The following PDE4D variants were observed in gnomAD, a reference collection of about 807,000 sequenced individuals.
The protein encoded by PDE4D is 3',5'-cyclic-AMP phosphodiesterase 4D.
In PDE4D, 24 loss-of-function variants were observed where a neutral mutation model predicts 87.4. The observed-to-expected ratio is 0.27, with a 90% CI of 0.20 to 0.39. The LOEUF is 0.39. Ranked by LOEUF, PDE4D falls within the 10% of genes least tolerant of loss-of-function variation. PDE4D has a pLI of 1.00. For synonymous variants in PDE4D, 384 were observed against 383.2 expected (o/e 1.00, Z -0.02); for missense variants, 714 against 1,041.0 (o/e 0.69, Z 4.32).
rs201360208 is a variant in PDE4D, at chr5:60,197,018, C to CAGATAGATAGATAGATAGAT, written c.-89-11351_-89-11332dup. Among the ~76,000 whole-genome samples the CAGATAGATAGATAGATAGAT allele has an allele frequency of 8.5e-4, 105 of 123,576 alleles. 3 individuals carry two copies. Among genetic ancestry groups the CAGATAGATAGATAGATAGAT allele is most frequent in the East Asian group, 2.5e-3 (10 of 4,026 alleles). 81.1% of individuals were successfully genotyped at this position (123,576 alleles called of 152,430 possible). On this transcript the variant is annotated intron_variant, in intron 1 of 16. Coordinates refer to the PDE4D transcript ENST00000502484. ...GCCTCTCTGGCAAAAACAAGATAGG[C>CAGATAGATAGATAGATAGAT]AGATAGATAGATAGATAGATAGATA...
intron 3 of PDE4D, among the ~76,000 whole-genome samples, chr5:59,981,266 AC>A (rs1390750670): frequency 1.3e-5 from 2 of 152,142 alleles, no homozygotes; most frequent in Non-Finnish European, 2.9e-5. Flanking sequence ...ACAAAACAAA[AC>A]AAAACAAAAC....
At chr5:59,524,743 G>A (rs1812781266) in intron 1 of PDE4D, among the ~76,000 whole-genome samples, 1 of 152,172 alleles carries the variant, frequency 6.6e-6, no homozygotes, top group Admixed American at 6.5e-5. Context: ...TGGGCCTAGG[G>A]TCCCCCTGCT....
At chr5:60,206,366 C>G (rs1742526441) in intron 1 of PDE4D, among the ~76,000 whole-genome samples, 1 of 152,208 alleles carries the variant, frequency 6.6e-6, no homozygotes, top group South Asian at 2.1e-4. Context: ...GGACAGATTT[C>G]CCAACCTTTT....
At chr5:60,183,141 A>G (rs1784509830) in intron 2 of PDE4D, among the ~76,000 whole-genome samples, 1 of 152,198 alleles carries the variant, frequency 6.6e-6, no homozygotes, top group Non-Finnish European at 1.5e-5. Flanking sequence ...TCGGCAAGCC[A>G]TCAGCAAACC....
intron 1 of PDE4D, among the ~76,000 whole-genome samples, chr5:59,243,031 C>T (rs1757994228): frequency 6.6e-6 from 1 of 152,148 alleles, no homozygotes; most frequent in Non-Finnish European, 1.5e-5. Flanking sequence ...GTATTTCTTA[C>T]GTACATCACA....
chr5:60,491,190 T>C (rs1749512052), upstream of PDE4D: 1 of 152,108 alleles, frequency 6.6e-6, no homozygotes, highest in Admixed American at 6.5e-5. Flanking sequence ...CTTTTTAAAA[T>C]GTCAGCAAGA....
At chr5:59,117,711 G>A (rs1773834811) in intron 5 of PDE4D, among the ~76,000 whole-genome samples, 1 of 152,040 alleles carries the variant, frequency 6.6e-6, no homozygotes, top group Non-Finnish European at 1.5e-5. Flanking sequence ...CAAGAATTCT[G>A]CAAAAGAACT....
At chr5:59,494,522 C>A (rs1481599746) in intron 1 of PDE4D, among the ~76,000 whole-genome samples, 2 of 152,192 alleles carry the variant, frequency 1.3e-5, no homozygotes, top group Admixed American at 6.5e-5. Flanking sequence ...TACATCAGTT[C>A]TCACAAAAGT....
chr5:59,843,558 T>C (rs2152709848), intron 1 of PDE4D, among the ~76,000 whole-genome samples: 1 of 152,202 alleles, frequency 6.6e-6, no homozygotes, highest in South Asian at 2.1e-4. Flanking sequence ...TCAATGTTAC[T>C]TATTTCTAAG....
chr5:60,254,679 G>A (rs7444733), intron 1 of PDE4D, among the ~76,000 whole-genome samples: 64,498 of 151,688 alleles, frequency 0.43, 14,386 homozygotes, highest in African/African-American at 0.54. Context: ...AAAAGCAGGA[G>A]AGAGTTGTTA....
intron 1 of PDE4D, among the ~76,000 whole-genome samples, chr5:59,767,621 A>T (rs1162936982): frequency 6.6e-6 from 1 of 152,244 alleles, no homozygotes; most frequent in East Asian, 1.9e-4. Flanking sequence ...TGTTCTAACA[A>T]TCCAAATTCA....
intron 1 of PDE4D, among the ~76,000 whole-genome samples, chr5:59,719,911 A>G (rs1183307856): frequency 6.6e-6 from 1 of 152,144 alleles, no homozygotes; most frequent in East Asian, 1.9e-4. Context: ...GCCACATTCA[A>G]TTCAAACTCT....
chr5:59,255,258 C>T (rs574767118), intron 1 of PDE4D, among the ~76,000 whole-genome samples: 17 of 152,006 alleles, frequency 1.1e-4, no homozygotes, highest in Non-Finnish European at 2.5e-4. Context: ...TATGCTACAA[C>T]ATGAATGAGA....
At chr5:59,866,173 A>T (rs1359390707) in intron 1 of PDE4D, among the ~76,000 whole-genome samples, 1 of 152,134 alleles carries the variant, frequency 6.6e-6, no homozygotes, top group East Asian at 1.9e-4. Context: ...CTGTATGTTG[A>T]CAGAAAACCA....
chr5:60,047,339 T>C (rs906574347), intron 2 of PDE4D, among the ~76,000 whole-genome samples: 7 of 152,248 alleles, frequency 4.6e-5, no homozygotes, highest in Non-Finnish European at 7.3e-5. Flanking sequence ...CATTAATTTT[T>C]TGAAGGGTTT....
chr5:59,963,449 G>T (rs1389709426), intron 3 of PDE4D, among the ~76,000 whole-genome samples: 2 of 151,978 alleles, frequency 1.3e-5, no homozygotes, highest in African/African-American at 4.8e-5. Context: ...CACACTCCCT[G>T]GTCTGCTCTC....
At chr5:59,380,802 AT>A (rs5868179) in intron 1 of PDE4D, among the ~76,000 whole-genome samples, 5 of 151,244 alleles carry the variant, frequency 3.3e-5, no homozygotes, top group South Asian at 2.1e-4. Flanking sequence ...AGTTTACTTA[AT>A]TTTTTTTTTA....
At chr5:60,336,474 C>G (rs184660658) in intron 1 of PDE4D, among the ~76,000 whole-genome samples, 9 of 152,202 alleles carry the variant, frequency 5.9e-5, no homozygotes, top group Admixed American at 5.2e-4. Context: ...CCACATCCAC[C>G]TATTTCAGGG....
chr5:60,399,917 C>T (rs996630548), intron 1 of PDE4D, among the ~76,000 whole-genome samples: 1 of 152,198 alleles, frequency 6.6e-6, no homozygotes, highest in Non-Finnish European at 1.5e-5. Flanking sequence ...TATGCCTAAG[C>T]CAGCCAAAGT....
Sources: gnomAD v4.1 joint callset for allele counts (sites outside exome capture counted in the v4.1 genomes callset) on GRCh38, gnomAD v4.1.1 for gene constraint, MANE v1.5 for transcripts, NCBI Gene and HGNC (gene_info 2026-07-23, HGNC 2026-07-21) for gene names.